Variants in GALNT12 observed in about 807,000 individuals in gnomAD.
The protein encoded by GALNT12 is polypeptide N-acetylgalactosaminyltransferase 12, also known as UDP-GalNAc:polypeptide N-acetylgalactosaminyltransferase 12.
A neutral mutation model predicts 55.5 loss-of-function variants in GALNT12; 45 were observed. That is an observed-to-expected ratio of 0.81 (90% CI 0.64 to 1.04). The LOEUF (loss-of-function observed/expected upper bound fraction) is 1.04. Ranked by LOEUF, GALNT12 falls within the 50% of genes least tolerant of loss-of-function variation. The pLI is 0.00. For missense variants in GALNT12, 709 were observed against 754.8 expected (o/e 0.94, Z 0.71); for synonymous variants, 304 against 312.2 (o/e 0.97, Z 0.28).
intron 1 of GALNT12, among the ~76,000 whole-genome samples, chr9:98,811,655 TG>T (rs1264342763): frequency 6.6e-6 from 1 of 150,936 alleles, no homozygotes; most frequent in Non-Finnish European, 1.5e-5. Context: ...ATTTGGGTGC[TG>T]GGATGGCAAA....
intron 2 of GALNT12, among the ~76,000 whole-genome samples, chr9:98,824,416 T>G (rs189341941): frequency 6.6e-6 from 1 of 152,236 alleles, no homozygotes; most frequent in Non-Finnish European, 1.5e-5. Flanking sequence ...GCCACACCCT[T>G]CCTCCCGAGG....
At chr9:98,827,445 C>T (rs1006569093) in intron 3 of GALNT12, among the ~76,000 whole-genome samples, 3 of 152,114 alleles carry the variant, frequency 2.0e-5, no homozygotes, top group South Asian at 2.1e-4. Flanking sequence ...AAACTCCTGA[C>T]GTCAGGCGTG....
intron 9 of GALNT12, among the ~76,000 whole-genome samples, chr9:98,846,867 A>AAG (rs1241651143): frequency 1.3e-5 from 2 of 152,036 alleles, no homozygotes; most frequent in African/African-American, 4.8e-5. Context: ...AAAAAAAAAA[A>AAG]AAAAAAAAGG....
rs1186532264 is a variant in GALNT12 at position 98,829,522 on chromosome 9, T to A, written c.732-2250T>A. On this transcript the variant is annotated intron_variant, in intron 3 of 9. Transcript: ENST00000375011. ...TTAAATGTACAATTAAATTATTTTT[T>A]TTTTTTACTATAGTCACTCTGTTGT... is the stretch of plus-strand genomic sequence containing the variant. Among the ~76,000 whole-genome samples, 3 of 152,252 alleles carry A rather than the reference T, an allele frequency of 2.0e-5. No individual in the cohort carries two copies. In the South Asian group the frequency reaches 6.2e-4, roughly 32 times the overall value.
In GALNT12 at chr9:98,846,062, C is replaced by A. The variant is rs1836406734; in HGVS notation, c.1544C>A (p.Thr515Asn). 6.2e-7 allele frequency: 1 copy of A among 1,614,108 alleles called. No individual in the cohort carries two copies. The highest frequency in any genetic ancestry group is 1.1e-5 in the South Asian group (1 of 91,086). The change falls in exon 9 of 10, where the codon ACC becomes AAC. Residue 515 changes from threonine to asparagine, a missense_variant. Coordinates refer to ENST00000375011, the MANE Select transcript of GALNT12 (RefSeq NM_024642.5). ...ATTGCTGTGGAAGCAGGAATGGATA[C>A]CCTTATCATGCATCTCTGCGAAGAA... The part of the protein sequence containing the change: ...GCIAVEAGMD[T>N]LIMHLCEETA...
intron 1 of GALNT12, among the ~76,000 whole-genome samples, chr9:98,818,375 G>A (rs1248366532): frequency 6.6e-6 from 1 of 151,932 alleles, no homozygotes; most frequent in Non-Finnish European, 1.5e-5. Flanking sequence ...GGCAGGCGCC[G>A]CCATGCCCGG....
intron 7 of GALNT12, 64 bp downstream of exon 7, chr9:98,840,197 A>C: frequency 2.5e-6 from 4 of 1,604,098 alleles, no homozygotes; most frequent in Non-Finnish European, 3.4e-6. Flanking sequence ...CTGCTCTGCA[A>C]ATCCTGGGCA....
chr9:98,835,127 A>G, intron 4 of GALNT12, 122 bp from the exon 5 acceptor site: 2 of 792,912 alleles, frequency 2.5e-6, no homozygotes, highest in Non-Finnish European at 4.6e-6. Context: ...ACAGAGGTGA[A>G]GGCGGGATAT....
chr9:98,839,605 C>T (rs998555840), intron 6 of GALNT12, among the ~76,000 whole-genome samples: 16 of 152,312 alleles, frequency 1.1e-4, no homozygotes, highest in Middle Eastern at 3.4e-3. Context: ...GCATATGTTT[C>T]GGTGAAACTG....
intron 1 of GALNT12, among the ~76,000 whole-genome samples, chr9:98,809,102 G>A (rs1041270930): frequency 1.3e-5 from 2 of 152,204 alleles, no homozygotes; most frequent in Non-Finnish European, 2.9e-5. Context: ...TGGTAGGACT[G>A]GTCTGGAGGG....
chr9:98,833,253 C>T (rs1280376541), intron 4 of GALNT12, among the ~76,000 whole-genome samples: 3 of 152,152 alleles, frequency 2.0e-5, no homozygotes, highest in African/African-American at 2.4e-5. Context: ...TCAGCCTCAC[C>T]GCTGGTGTGT....
chr9:98,849,761 T>G lies in GALNT12; in HGVS notation c.*669T>G, dbSNP rs896577548. ...ATTTGCTTTACTAAGCTGAGTCAAC[T>G]TGAGAGCGAACTTCTAACAATGCCG... is the stretch of plus-strand genomic sequence containing the variant. On this transcript the variant is annotated 3_prime_UTR_variant, in exon 10 of 10. Transcript: ENST00000375011. 2.5e-6 allele frequency: 1 copy of G among 396,348 alleles called. No homozygotes were observed. The highest frequency in any genetic ancestry group is 4.4e-6 in the Non-Finnish European group (1 of 225,448). The allele number at this position is 396,348 out of a possible 1,614,324, so 24.6% of individuals were successfully genotyped here.
rs1022933300 is a variant in GALNT12, at chr9:98,817,232, C to T, written c.372-6024C>T. Among the ~76,000 whole-genome samples the T allele has an allele frequency of 4.0e-4, 61 of 152,284 alleles. 1 individual carries two copies. Among genetic ancestry groups the T allele is most frequent in the African/African-American group, 1.4e-3 (59 of 41,556 alleles). The stretch of plus-strand genomic sequence containing the variant: ...CCTCCCACCTTGGCCTCTCAAAATG[C>T]TGGGATTACAGGTGTGAGCTACCGC... On this transcript the variant is annotated intron_variant, in intron 1 of 9. Transcript: ENST00000375011.
chr9:98,848,396 G>A (rs930809628), intron 9 of GALNT12, among the ~76,000 whole-genome samples: 3 of 152,196 alleles, frequency 2.0e-5, no homozygotes, highest in African/African-American at 7.2e-5. Context: ...AGAAAGGAGA[G>A]AAGCAGGAGG....
intron 1 of GALNT12, among the ~76,000 whole-genome samples, chr9:98,817,736 A>G (rs1835646482): frequency 6.6e-6 from 1 of 152,180 alleles, no homozygotes; most frequent in Non-Finnish European, 1.5e-5. Context: ...TGCTGAGATT[A>G]CAGGCATGAG....
intron 7 of GALNT12, among the ~76,000 whole-genome samples, chr9:98,842,713 C>T (rs1034017454): frequency 1.3e-5 from 2 of 151,908 alleles, no homozygotes; most frequent in Non-Finnish European, 2.9e-5. Flanking sequence ...TGGCGGTGCC[C>T]GTTGCTATGC....
chr9:98,822,102 CT>C (rs1279699717), intron 1 of GALNT12, among the ~76,000 whole-genome samples: 1 of 152,226 alleles, frequency 6.6e-6, no homozygotes, highest in Non-Finnish European at 1.5e-5. Flanking sequence ...GGCATCTTTT[CT>C]CCTGTCCTCT....
rs367633608 is a variant in GALNT12 at position 98,849,474 on chromosome 9, C to T, written c.*382C>T. On this transcript the variant is annotated 3_prime_UTR_variant, in exon 10 of 10. Coordinates refer to ENST00000375011, the MANE Select transcript of GALNT12 (RefSeq NM_024642.5). Reference sequence around the variant, plus strand: ...TGGTATTTACAAGAATTCCCAGGTACGAAGATATCTGCATGGGTGGAAATC... The same window carrying T: ...TGGTATTTACAAGAATTCCCAGGTATGAAGATATCTGCATGGGTGGAAATC... The T allele has an allele frequency of 1.5e-4, 81 of 530,816 alleles. No homozygotes were observed. The highest frequency in any genetic ancestry group is 9.6e-4 in the Middle Eastern group (2 of 2,092). The allele number at this position is 530,816 out of a possible 1,614,324, so 32.9% of individuals were successfully genotyped here.
In GALNT12 at chr9:98,831,760, G is replaced by A. The variant is rs1836001342; in HGVS notation, c.732-12G>A. The A allele has an allele frequency of 6.2e-7, 1 of 1,614,140 alleles. No individual in the cohort carries two copies. On this transcript the variant is annotated splice_polypyrimidine_tract_variant and intron_variant, in intron 3 of 9. Transcript: ENST00000375011. ...CATAGGAGAGACGGATGGATGTCTT[G>A]GGTGCTTTCAGGATCCATGAAGAGG...
Sources: allele counts gnomAD v4.1 joint callset (sites outside exome capture counted in the v4.1 genomes callset), GRCh38; gene constraint gnomAD v4.1.1; transcripts MANE v1.5; gene names NCBI Gene and HGNC (gene_info 2026-07-23, HGNC 2026-07-21).